ABL1: variants seen among roughly 807,000 people sequenced by gnomAD.
ABL1 encodes tyrosine-protein kinase ABL1.
In ABL1, 11 loss-of-function variants were observed where a neutral mutation model predicts 94.7. The observed-to-expected ratio is 0.12, with a 90% CI of 0.07 to 0.19. The LOEUF is 0.19. ABL1 is among the 10% of genes least tolerant of loss of function. The pLI is 1.00. For synonymous variants in ABL1, 656 were observed against 622.4 expected (o/e 1.05, Z -0.80); for missense variants, 1,082 against 1,489.4 (o/e 0.73, Z 4.50).
chr9:130,874,592 C>T (rs1407563490), intron 6 of ABL1, among the ~76,000 whole-genome samples: 4 of 152,176 alleles, frequency 2.6e-5, no homozygotes, highest in South Asian at 4.1e-4. Flanking sequence ...CTTCATTTTA[C>T]GGATGAGGTA....
intron 1 of ABL1, among the ~76,000 whole-genome samples, chr9:130,745,492 C>T (rs967928300): frequency 4.0e-5 from 6 of 151,564 alleles, no homozygotes; most frequent in African/African-American, 1.2e-4. Context: ...AAAAATCAAA[C>T]CAACAATAGC....
intron 1 of ABL1, among the ~76,000 whole-genome samples, chr9:130,848,086 A>G (rs568541112): frequency 6.6e-6 from 1 of 152,296 alleles, no homozygotes; most frequent in East Asian, 1.9e-4. Context: ...CTGGTCTGCC[A>G]AAGTTGTATG....
chr9:130,779,765 T>C (rs1829731998), intron 1 of ABL1, among the ~76,000 whole-genome samples: 1 of 152,214 alleles, frequency 6.6e-6, no homozygotes, highest in African/African-American at 2.4e-5. Context: ...TGTCATACTC[T>C]TGATGCTTTT....
intron 1 of ABL1, among the ~76,000 whole-genome samples, chr9:130,847,444 A>C (rs1031463326): frequency 3.9e-5 from 6 of 152,226 alleles, no homozygotes; most frequent in East Asian, 1.9e-4. Flanking sequence ...ACCGGTGGAA[A>C]GTTTGTGTCT....
intron 1 of ABL1, among the ~76,000 whole-genome samples, chr9:130,738,408 A>T (rs1051725348): frequency 6.6e-6 from 1 of 152,228 alleles, no homozygotes; most frequent in Admixed American, 6.5e-5. Flanking sequence ...AGAACTTACT[A>T]GCAATCCGGA....
exon 1 of ABL1, chr9:130,714,388 C>G (rs749258648): frequency 1.9e-6 from 3 of 1,613,950 alleles, no homozygotes; most frequent in Non-Finnish European, 2.5e-6. Context: ...TGCATTTTAT[C>G]AAAGGAGCAG....
chr9:130,772,682 GAC>G (rs1432410883), intron 1 of ABL1, among the ~76,000 whole-genome samples: 1 of 152,172 alleles, frequency 6.6e-6, no homozygotes, highest in Non-Finnish European at 1.5e-5. Flanking sequence ...ACAGGCAGGA[GAC>G]ACAGAATCTG....
intron 1 of ABL1, among the ~76,000 whole-genome samples, chr9:130,773,366 C>A (rs541497777): frequency 1.3e-5 from 2 of 152,004 alleles, no homozygotes; most frequent in Non-Finnish European, 2.9e-5. Flanking sequence ...AAAAGATGAG[C>A]TGAAAATAAG....
At chr9:130,809,419 T>C (rs11244150) in intron 1 of ABL1, among the ~76,000 whole-genome samples, 2 of 69,026 alleles carry the variant, frequency 2.9e-5, no homozygotes, top group Non-Finnish European at 7.2e-5. Flanking sequence ...AGAGAGAGAG[T>C]GTGTGTGTGT....
At chr9:130,820,523 C>A (rs1830346343) in intron 1 of ABL1, among the ~76,000 whole-genome samples, 1 of 151,594 alleles carries the variant, frequency 6.6e-6, no homozygotes, top group African/African-American at 2.4e-5. Flanking sequence ...ATACAACCTT[C>A]CCCTCACACA....
chr9:130,823,581 A>G (rs1830391094), intron 1 of ABL1, among the ~76,000 whole-genome samples: 1 of 152,152 alleles, frequency 6.6e-6, no homozygotes, highest in African/African-American at 2.4e-5. Context: ...CTTCTACCTC[A>G]GGATCCAAAA....
intron 1 of ABL1, among the ~76,000 whole-genome samples, chr9:130,719,971 A>G (rs954683599): frequency 6.6e-6 from 1 of 152,216 alleles, no homozygotes; most frequent in Non-Finnish European, 1.5e-5. Flanking sequence ...CATGCACCAT[A>G]TGTTCCTTTC....
At chr9:130,735,961 A>ATATATATATATATATATATTTT (rs573602038) in intron 1 of ABL1, among the ~76,000 whole-genome samples, 1 of 94,884 alleles carries the variant, frequency 1.1e-5, no homozygotes, top group East Asian at 4.1e-4. Flanking sequence ...ATATATATAT[A>ATATATATATATATATATATTTT]TTTTTTTTTT....
intron 1 of ABL1, among the ~76,000 whole-genome samples, chr9:130,738,019 A>G (rs529979095): frequency 1.6e-4 from 25 of 152,006 alleles, no homozygotes; most frequent in Admixed American, 1.5e-3. Flanking sequence ...TTTAATAGAG[A>G]TAGGGTTTCA....
intron 1 of ABL1, among the ~76,000 whole-genome samples, chr9:130,717,256 T>C (rs1443550625): frequency 6.6e-6 from 1 of 152,126 alleles, no homozygotes; most frequent in Non-Finnish European, 1.5e-5. Flanking sequence ...TTAGCCAGGC[T>C]GGTCTTGAAC....
chr9:130,714,636 G>T, intron 1 of ABL1: 2 of 821,712 alleles, frequency 2.4e-6, no homozygotes, highest in Non-Finnish European at 2.0e-6. Context: ...CGTGACTTCG[G>T]CTTTATTCAA....
At chr9:130,750,215 A>G (rs1388733596) in intron 1 of ABL1, among the ~76,000 whole-genome samples, 111 of 134,002 alleles carry the variant, frequency 8.3e-4, no homozygotes, top group Non-Finnish European at 1.4e-3. Context: ...ATATATATAT[A>G]TATATATATA....
chr9:130,860,174 AGT>A (rs1217697163), intron 3 of ABL1, among the ~76,000 whole-genome samples: 2 of 152,210 alleles, frequency 1.3e-5, no homozygotes, highest in African/African-American at 4.8e-5. Context: ...TTCCCCAACA[AGT>A]GCTGCTCAAA....
chr9:130,857,495 A>G (rs942108976), intron 3 of ABL1, among the ~76,000 whole-genome samples: 12 of 152,132 alleles, frequency 7.9e-5, no homozygotes, highest in African/African-American at 2.7e-4. Context: ...CCAAGTGTAT[A>G]TGTGTATCTA....
Sources: allele counts gnomAD v4.1 joint callset (sites outside exome capture counted in the v4.1 genomes callset), GRCh38; gene constraint gnomAD v4.1.1; transcripts MANE v1.5; gene names NCBI Gene and HGNC (gene_info 2026-07-23, HGNC 2026-07-21).